STK32A: variants seen among roughly 807,000 people sequenced by gnomAD.
STK32A encodes serine/threonine kinase 32A, also known as serine/threonine-protein kinase 32A.
STK32A carries 41 observed loss-of-function variants against 53.2 expected under a neutral mutation model. The ratio of observed to expected loss-of-function variants is 0.77; its 90% confidence interval spans 0.60 to 1.00. STK32A has a LOEUF of 1.00. Ranked by LOEUF, STK32A falls within the 50% of genes least tolerant of loss-of-function variation. The pLI, the probability that STK32A is intolerant of heterozygous loss-of-function variation, is 0.00. For synonymous variants in STK32A, 166 were observed against 162.8 expected (o/e 1.02, Z -0.15); for missense variants, 458 against 485.8 (o/e 0.94, Z 0.54).
chr5:147,333,734 A>G (rs952865584), intron 5 of STK32A, among the ~76,000 whole-genome samples: 3 of 152,196 alleles, frequency 2.0e-5, no homozygotes, highest in South Asian at 2.1e-4. Flanking sequence ...AAGCTGTGGG[A>G]AAAACTTACT....
intron 4 of STK32A, among the ~76,000 whole-genome samples, chr5:147,315,618 G>A (rs1394801256): frequency 1.3e-5 from 2 of 152,162 alleles, no homozygotes; most frequent in Non-Finnish European, 1.5e-5. Flanking sequence ...GTTTCTGTTA[G>A]CAATGATGAA....
intron 11 of STK32A, among the ~76,000 whole-genome samples, chr5:147,379,758 C>T (rs894728530): frequency 1.3e-5 from 2 of 152,154 alleles, no homozygotes; most frequent in African/African-American, 4.8e-5. Flanking sequence ...CCTGCTCTAA[C>T]CCCTTCCAAT....
chr5:147,377,595 G>A (rs1757282892), intron 11 of STK32A, among the ~76,000 whole-genome samples: 1 of 152,102 alleles, frequency 6.6e-6, no homozygotes. Flanking sequence ...GATTGTTGAA[G>A]GCTGTAGTTA....
intron 7 of STK32A, among the ~76,000 whole-genome samples, chr5:147,356,576 G>A (rs1231435082): frequency 2.0e-5 from 3 of 152,126 alleles, no homozygotes; most frequent in African/African-American, 7.2e-5. Flanking sequence ...CAATAAACAT[G>A]CCTCTGCTAA....
intron 4 of STK32A, among the ~76,000 whole-genome samples, chr5:147,306,971 CCT>C (rs1325966168): frequency 1.3e-5 from 2 of 151,894 alleles, no homozygotes; most frequent in African/African-American, 4.8e-5. Context: ...AGAACTCTAC[CCT>C]GAGTCAGGAG....
At chr5:147,395,762 C>A in the STK32A span, 30 of 1,605,472 alleles carry the variant, frequency 1.9e-5, no homozygotes, top group Non-Finnish European at 2.3e-5. Flanking sequence ...ATTCATTCAG[C>A]ATTTTAGGGT....
chr5:147,302,003 G>A (rs780232242), intron 4 of STK32A, among the ~76,000 whole-genome samples: 1 of 151,938 alleles, frequency 6.6e-6, no homozygotes, highest in African/African-American at 2.4e-5. Context: ...TGATTACATT[G>A]GGCCTACTTG....
At chr5:147,400,818 T>C in the STK32A span, 1 of 1,613,840 alleles carries the variant, frequency 6.2e-7, no homozygotes, top group Admixed American at 1.7e-5. Context: ...CACTCCCAGA[T>C]AGCTGCAGAT....
At chr5:147,245,416 TA>T (rs1424616898) in intron 2 of STK32A, among the ~76,000 whole-genome samples, 3 of 152,332 alleles carry the variant, frequency 2.0e-5, no homozygotes, top group African/African-American at 7.2e-5. Flanking sequence ...CAACCTTTTT[TA>T]AAAAATCTAC....
chr5:147,310,439 T>C (rs933784112), intron 4 of STK32A, among the ~76,000 whole-genome samples: 8 of 152,170 alleles, frequency 5.3e-5, no homozygotes, highest in Non-Finnish European at 1.0e-4. Context: ...AGACAATACA[T>C]TGTGCCAGCT....
At chr5:147,254,367 C>T (rs1369748909) in intron 2 of STK32A, among the ~76,000 whole-genome samples, 7 of 152,124 alleles carry the variant, frequency 4.6e-5, no homozygotes, top group Non-Finnish European at 7.3e-5. Flanking sequence ...AAGGATTATA[C>T]GAAATAATGC....
At chr5:147,390,232 C>T (rs964330322), downstream of STK32A, among the ~76,000 whole-genome samples, 3 of 152,130 alleles carry the variant, frequency 2.0e-5, no homozygotes, top group African/African-American at 7.2e-5. Flanking sequence ...ATTAGGCAAA[C>T]TTTGAAAGAC....
In STK32A at chr5:147,301,297, ATT is replaced by A. The variant is rs34519535; in HGVS notation, c.260+21908_260+21909del. On this transcript the variant is annotated intron_variant, in intron 4 of 12. Transcript: ENST00000397936. ...GCCTGGTTGTTTATTTCACTAATGT[ATT>A]TTTTTTTTCCTATAGATACAAATCA... 5.8e-3 allele frequency among the ~76,000 whole-genome samples: 883 copies of A among 151,476 alleles called. 10 individuals are homozygous for A. The highest frequency in any genetic ancestry group is 0.02 in the African/African-American group (838 of 41,330).
intron 5 of STK32A, among the ~76,000 whole-genome samples, chr5:147,333,341 G>A (rs1418060184): frequency 2.0e-5 from 3 of 152,128 alleles, no homozygotes; most frequent in African/African-American, 7.2e-5. Context: ...TATATATAAT[G>A]CATATAGTTT....
intron 2 of STK32A, among the ~76,000 whole-genome samples, chr5:147,246,164 G>T (rs573188212): frequency 6.6e-6 from 1 of 152,190 alleles, no homozygotes; most frequent in Admixed American, 6.5e-5. Flanking sequence ...GCAAGAATTG[G>T]CTTCTTAAAA....
At chr5:147,263,545 A>T (rs1396121531) in intron 2 of STK32A, among the ~76,000 whole-genome samples, 1 of 152,174 alleles carries the variant, frequency 6.6e-6, no homozygotes, top group Non-Finnish European at 1.5e-5. Context: ...CAAAAAACAA[A>T]CAAACAAAAT....
rs906137034 is a variant in STK32A, at chr5:147,386,354, C to A, written c.*2371C>A. ...TACTTGCATGTTTACTTCTATCCTT[C>A]ATTTGTTTTGATTCAAGCCTTTATG... On this transcript the variant is annotated 3_prime_UTR_variant, in exon 13 of 13. Coordinates refer to ENST00000397936, the MANE Select transcript of STK32A (RefSeq NM_001112724.2). 3 of 152,226 alleles carry A rather than the reference C, an allele frequency of 2.0e-5. No homozygotes were observed. The highest frequency in any genetic ancestry group is 4.4e-5 in the Non-Finnish European group (3 of 68,046). The allele number at this position is 152,226 out of a possible 1,614,324, so 9.4% of individuals were successfully genotyped here.
At position 147,356,485 on chromosome 5, in the gene STK32A, G is replaced by C. The variant is rs187847716; in HGVS notation, c.563-5032G>C. ...TGAAAGGTTAAGAAACTTGTTGACT[G>C]TGAAGCTGGAGACAGTCATAGGGGT... is the stretch of plus-strand genomic sequence containing the variant. On this transcript the variant is annotated intron_variant, in intron 7 of 12. Transcript: ENST00000397936. Among the ~76,000 whole-genome samples, 409 of 152,236 alleles carry C rather than the reference G, an allele frequency of 2.7e-3. 1 individual carries two copies. The highest frequency in any genetic ancestry group is 9.5e-3 in the African/African-American group (394 of 41,534).
intron 2 of STK32A, among the ~76,000 whole-genome samples, chr5:147,264,646 G>A (rs955123203): frequency 5.9e-5 from 9 of 152,116 alleles, no homozygotes; most frequent in African/African-American, 2.2e-4. Context: ...GAAAGATGGA[G>A]GCATGTTGGG....
Sources: allele counts gnomAD v4.1 joint callset (sites outside exome capture counted in the v4.1 genomes callset), GRCh38; gene constraint gnomAD v4.1.1; transcripts MANE v1.5; gene names NCBI Gene and HGNC (gene_info 2026-07-23, HGNC 2026-07-21).